DPP6: variants seen among roughly 807,000 people sequenced by gnomAD.
DPP6 encodes the protein dipeptidyl peptidase like 6.
A neutral mutation model predicts 122.6 loss-of-function variants in DPP6; 69 were observed. The ratio of observed to expected loss-of-function variants is 0.56; its 90% CI spans 0.46 to 0.69. The LOEUF (loss-of-function observed/expected upper bound fraction) is 0.69, where lower values mean the gene tolerates loss of function less well. DPP6 is among the 30% of genes least tolerant of loss of function. The pLI is 0.00. For missense variants in DPP6, 928 were observed against 1,116.9 expected, an observed-to-expected ratio of 0.83 and a Z score of 2.41; for synonymous variants, 418 against 433.1, an observed-to-expected ratio of 0.97 and a Z score of 0.43.
chr7:154,791,344 T>C (rs10278671), intron 10 of DPP6, among the ~76,000 whole-genome samples: 54,366 of 152,014 alleles, frequency 0.36, 12,095 homozygotes, highest in African/African-American at 0.64. Context: ...GACTCAGTTC[T>C]ACATGGCTGG....
intron 3 of DPP6, among the ~76,000 whole-genome samples, chr7:154,488,847 CTCCTCCA>C (rs1188527966): frequency 6.6e-6 from 1 of 152,172 alleles, no homozygotes; most frequent in African/African-American, 2.4e-5. Flanking sequence ...ATCCCCGTCC[CTCCTCCA>C]TCCTCCATCC....
intron 1 of DPP6, among the ~76,000 whole-genome samples, chr7:154,349,846 G>A (rs980364049): frequency 4.6e-5 from 7 of 152,126 alleles, no homozygotes; most frequent in Non-Finnish European, 2.9e-5. Context: ...GTCAGAATTA[G>A]CATTTTAGTC....
At chr7:154,431,451 CTTTTCTT>C (rs1289688580) in intron 1 of DPP6, among the ~76,000 whole-genome samples, 1 of 14,976 alleles carries the variant, frequency 6.7e-5, no homozygotes, top group Middle Eastern at 0.021. Context: ...CCTTTCTTTT[CTTTTCTT>C]TTCTTTTCTT....
chr7:154,235,435 A>G (rs373723744), intron 1 of DPP6, among the ~76,000 whole-genome samples: 5,013 of 140,424 alleles, frequency 0.036, 269 homozygotes, highest in African/African-American at 0.11. Context: ...TGCTTGGATG[A>G]ATTGCAGTTT....
At chr7:153,816,206 GA>G in the DPP6 span, among the ~76,000 whole-genome samples, 1 of 152,112 alleles carries the variant, frequency 6.6e-6, no homozygotes, top group Non-Finnish European at 1.5e-5. Context: ...TAATTAGAAG[GA>G]AAATATTTAT....
chr7:154,073,576 G>T (rs1184506810), intron 1 of DPP6, among the ~76,000 whole-genome samples: 7 of 152,202 alleles, frequency 4.6e-5, no homozygotes, highest in African/African-American at 1.7e-4. Flanking sequence ...ACAAGATAGG[G>T]TCTCAGTACT....
At chr7:154,300,018 C>G (rs1436226683) in intron 1 of DPP6, among the ~76,000 whole-genome samples, 1 of 152,230 alleles carries the variant, frequency 6.6e-6, no homozygotes, top group African/African-American at 2.4e-5. Context: ...GTGAAAACGC[C>G]TCTCTTCAGT....
At chr7:154,238,184 G>A (rs1455344653) in intron 1 of DPP6, among the ~76,000 whole-genome samples, 1 of 152,206 alleles carries the variant, frequency 6.6e-6, no homozygotes, top group African/African-American at 2.4e-5. Context: ...TTGGGGAACA[G>A]TTTGATATTT....
At chr7:154,131,386 G>A (rs573769264) in intron 1 of DPP6, among the ~76,000 whole-genome samples, 2 of 152,322 alleles carry the variant, frequency 1.3e-5, no homozygotes, top group South Asian at 4.1e-4. Flanking sequence ...GATCTCAAAG[G>A]CCTTTTCCCT....
chr7:154,401,206 A>AAAAC (rs1815557060), intron 1 of DPP6, among the ~76,000 whole-genome samples: 4 of 111,794 alleles, frequency 3.6e-5, no homozygotes, highest in African/African-American at 8.4e-5. Flanking sequence ...CAGAAAAAAC[A>AAAAC]AAAACAAAAA....
intron 17 of DPP6, among the ~76,000 whole-genome samples, chr7:154,860,445 G>C (rs891669372): frequency 6.6e-6 from 1 of 152,186 alleles, no homozygotes; most frequent in African/African-American, 2.4e-5. Flanking sequence ...AGGACCCCAG[G>C]TTGCAGACAG....
intron 1 of DPP6, among the ~76,000 whole-genome samples, chr7:154,355,178 C>T (rs762299551): frequency 4.6e-5 from 7 of 152,136 alleles, no homozygotes; most frequent in African/African-American, 2.4e-5. Context: ...GTTTTTTGCT[C>T]ATTTTTAAAT....
intron 1 of DPP6, among the ~76,000 whole-genome samples, chr7:154,132,807 AC>A (rs1795356885): frequency 6.6e-6 from 1 of 152,006 alleles, no homozygotes; most frequent in Admixed American, 6.6e-5. Context: ...ACCACATGGC[AC>A]AGCTCCCCCT....
At chr7:154,375,929 C>G (rs930977433) in intron 1 of DPP6, among the ~76,000 whole-genome samples, 1 of 152,178 alleles carries the variant, frequency 6.6e-6, no homozygotes. Flanking sequence ...CTCAGGAGCA[C>G]ATATACTCAC....
intron 15 of DPP6, among the ~76,000 whole-genome samples, chr7:154,806,542 C>T (rs565245565): frequency 1.2e-3 from 183 of 152,318 alleles, no homozygotes; most frequent in Admixed American, 4.1e-3. Flanking sequence ...TGCTGGAGCC[C>T]CTGCCTGCTC....
chr7:154,627,013 T>C (rs1468194743), intron 5 of DPP6, among the ~76,000 whole-genome samples: 11 of 113,718 alleles, frequency 9.7e-5, no homozygotes, highest in African/African-American at 3.4e-4. Flanking sequence ...TTTTTTTTTT[T>C]TTTTTTTTTT....
chr7:153,861,496 T>G, the DPP6 span, among the ~76,000 whole-genome samples: 1 of 152,164 alleles, frequency 6.6e-6, no homozygotes, highest in Non-Finnish European at 1.5e-5. Flanking sequence ...GAAGTTATGA[T>G]GAAGGGTAAA....
intron 2 of DPP6, among the ~76,000 whole-genome samples, chr7:154,455,921 G>A (rs1278444146): frequency 6.6e-6 from 1 of 152,170 alleles, no homozygotes; most frequent in African/African-American, 2.4e-5. Flanking sequence ...CTATAGATGA[G>A]TGCCTCCTGG....
At chr7:153,978,332 G>A (rs39143) in intron 1 of DPP6, among the ~76,000 whole-genome samples, 1,933 of 152,236 alleles carry the variant, frequency 0.013, 24 homozygotes, top group Middle Eastern at 0.037. Context: ...TCATATGTTT[G>A]TTGGCTGCAT....
Sources: allele counts gnomAD v4.1 joint callset (sites outside exome capture counted in the v4.1 genomes callset), GRCh38; gene constraint gnomAD v4.1.1; transcripts MANE v1.5; gene names NCBI Gene and HGNC (gene_info 2026-07-23, HGNC 2026-07-21).